The following ABL1 variants were observed in gnomAD, a reference collection of about 807,000 sequenced individuals.
ABL1 encodes the protein tyrosine-protein kinase ABL1.
In ABL1, 11 loss-of-function variants were observed where a neutral mutation model predicts 94.7. That is an observed-to-expected ratio of 0.12 (90% confidence interval 0.07 to 0.19). ABL1 has a LOEUF of 0.19. Among genes scored for constraint, ABL1 ranks in the 10% least tolerant of loss-of-function variants. The pLI, the probability that ABL1 is intolerant of heterozygous loss-of-function variation, is 1.00. For missense variants in ABL1, 1,082 were observed against 1,489.4 expected (o/e 0.73, Z 4.50); for synonymous variants, 656 against 622.4 (o/e 1.05, Z -0.80).
chr9:130,808,245 TTC>T (rs1355600007), intron 1 of ABL1, among the ~76,000 whole-genome samples: 9,075 of 114,586 alleles, frequency 0.079, 280 homozygotes, highest in African/African-American at 0.13. Flanking sequence ...CTTCTTCTTC[TTC>T]TTTTTTTTTT....
chr9:130,887,547 G>A lies in ABL1; in HGVS notation c.*1864G>A, dbSNP rs963075406. 4.3e-6 allele frequency: 1 copy of A among 233,214 alleles called. No homozygotes were observed. Among genetic ancestry groups the A allele is most frequent in the South Asian group, 1.8e-4 (1 of 5,512 alleles). The allele number at this position is 233,214 out of a possible 1,614,324, so 14.4% of individuals were successfully genotyped here. On this transcript the variant is annotated 3_prime_UTR_variant, in exon 11 of 11. Coordinates refer to ENST00000318560, the MANE Select transcript of ABL1 (RefSeq NM_005157.6). ...TCCTGCCCTGCCCCCTCGGGGGCCT[G>A]TGGTGGCTCCCCCTCTGCTTCTCGG...
At chr9:130,797,676 T>G (rs1363465850) in intron 1 of ABL1, among the ~76,000 whole-genome samples, 1 of 152,206 alleles carries the variant, frequency 6.6e-6, no homozygotes, top group Non-Finnish European at 1.5e-5. Flanking sequence ...GCTTCCGTAT[T>G]TAAGTATTAG....
chr9:130,882,780 C>T (rs1831483228), intron 10 of ABL1, among the ~76,000 whole-genome samples: 1 of 152,128 alleles, frequency 6.6e-6, no homozygotes, highest in Non-Finnish European at 1.5e-5. Context: ...ATGATCCGCC[C>T]ACCTCAGCCT....
At chr9:130,721,846 G>A (rs1831519200) in intron 1 of ABL1, among the ~76,000 whole-genome samples, 1 of 119,964 alleles carries the variant, frequency 8.3e-6, no homozygotes. Flanking sequence ...TTTTGAGACA[G>A]AGCCTTGCTC....
upstream of ABL1, chr9:130,833,991 G>A (rs1322994728): frequency 4.4e-6 from 2 of 455,866 alleles, no homozygotes; most frequent in South Asian, 3.1e-5. Context: ...GATGTGAAGG[G>A]TCAGCATCAT....
intron 1 of ABL1, among the ~76,000 whole-genome samples, chr9:130,810,378 C>T (rs1336724407): frequency 1.3e-5 from 2 of 152,052 alleles, no homozygotes; most frequent in African/African-American, 4.8e-5. Context: ...CACCTATAAT[C>T]CCAACTATAC....
chr9:130,850,006 T>C (rs1365127871), intron 1 of ABL1, among the ~76,000 whole-genome samples: 1 of 152,192 alleles, frequency 6.6e-6, no homozygotes, highest in Non-Finnish European at 1.5e-5. Context: ...ACTGACTTGC[T>C]AAATTGACCG....
intron 1 of ABL1, among the ~76,000 whole-genome samples, chr9:130,769,222 T>C (rs1422445870): frequency 2.0e-5 from 3 of 152,108 alleles, no homozygotes; most frequent in African/African-American, 4.8e-5. Context: ...AAGGTCTAAC[T>C]AGAGTAGGTC....
At chr9:130,748,276 C>T (rs1432673435) in intron 1 of ABL1, among the ~76,000 whole-genome samples, 2 of 152,134 alleles carry the variant, frequency 1.3e-5, no homozygotes, top group African/African-American at 4.8e-5. Context: ...GCAGATCACG[C>T]CTTTGTCGTT....
At chr9:130,840,400 C>T (rs1830653731) in intron 1 of ABL1, among the ~76,000 whole-genome samples, 1 of 152,196 alleles carries the variant, frequency 6.6e-6, no homozygotes, top group South Asian at 2.1e-4. Context: ...AATATTTCCA[C>T]AGCCTCAAAC....
At chr9:130,876,996 C>CAA in intron 7 of ABL1, among the ~76,000 whole-genome samples, 1 of 148,198 alleles carries the variant, frequency 6.7e-6, no homozygotes, top group South Asian at 2.1e-4. Context: ...CTTGGCCTCC[C>CAA]AAAGTGCACA....
At chr9:130,743,141 C>T (rs886634808) in intron 1 of ABL1, among the ~76,000 whole-genome samples, 5 of 152,262 alleles carry the variant, frequency 3.3e-5, no homozygotes, top group South Asian at 4.1e-4. Flanking sequence ...GGCGTGATAT[C>T]GGCTCACTGC....
chr9:130,775,638 G>C (rs1486494642), intron 1 of ABL1, among the ~76,000 whole-genome samples: 1 of 151,728 alleles, frequency 6.6e-6, no homozygotes, highest in African/African-American at 2.4e-5. Flanking sequence ...AGTCAATAGA[G>C]ATAACAGATG....
At chr9:130,825,379 CTT>C (rs1338930651) in intron 1 of ABL1, among the ~76,000 whole-genome samples, 1 of 152,070 alleles carries the variant, frequency 6.6e-6, no homozygotes, top group East Asian at 1.9e-4. Context: ...TTCTTTTAGT[CTT>C]AGAGAAAGAG....
intron 1 of ABL1, among the ~76,000 whole-genome samples, chr9:130,755,227 A>AG (rs1481780155): frequency 6.6e-6 from 1 of 152,202 alleles, no homozygotes; most frequent in Non-Finnish European, 1.5e-5. Flanking sequence ...AGTACCCTTA[A>AG]GTAGGACATG....
chr9:130,799,487 A>T (rs1830027240), intron 1 of ABL1, among the ~76,000 whole-genome samples: 1 of 152,190 alleles, frequency 6.6e-6, no homozygotes, highest in Admixed American at 6.5e-5. Context: ...CTAGGTGCTA[A>T]TCTAGGTTCT....
intron 1 of ABL1, among the ~76,000 whole-genome samples, chr9:130,739,853 G>A (rs144987573): frequency 4.8e-4 from 73 of 152,208 alleles, no homozygotes; most frequent in African/African-American, 1.7e-3. Context: ...TTTGAGACCA[G>A]CCTCCAACAT....
intron 1 of ABL1, among the ~76,000 whole-genome samples, chr9:130,794,344 C>G (rs1222603820): frequency 1.3e-5 from 2 of 152,132 alleles, no homozygotes; most frequent in Non-Finnish European, 2.9e-5. Flanking sequence ...GAGCCCACAT[C>G]CATAAAGTTA....
intron 1 of ABL1, among the ~76,000 whole-genome samples, chr9:130,849,324 A>G (rs954605616): frequency 6.6e-6 from 1 of 152,288 alleles, no homozygotes; most frequent in African/African-American, 2.4e-5. Flanking sequence ...TAAATTCTTT[A>G]TAGACTTCTG....
Sources: allele counts gnomAD v4.1 joint callset (sites outside exome capture counted in the v4.1 genomes callset), GRCh38; gene constraint gnomAD v4.1.1; transcripts MANE v1.5; gene names NCBI Gene and HGNC (gene_info 2026-07-23, HGNC 2026-07-21).